Variants in RGS12 observed in about 807,000 individuals in gnomAD.
The protein encoded by RGS12 is regulator of G-protein signaling 12.
In RGS12, 66 loss-of-function variants were observed where a neutral mutation model predicts 120.1. That is an observed-to-expected ratio of 0.55 (90% CI 0.45 to 0.67). RGS12 has a LOEUF of 0.67. Among genes scored for constraint, RGS12 ranks in the 30% least tolerant of loss-of-function variants. RGS12 has a pLI of 0.00. For missense variants in RGS12, 1,859 were observed against 1,957.7 expected (o/e 0.95, Z 0.95); for synonymous variants, 827 against 804.7 (o/e 1.03, Z -0.47).
intron 9 of RGS12, chr4:3,420,366 T>G: frequency 1.3e-5 from 7 of 523,310 alleles, no homozygotes; most frequent in East Asian, 3.4e-5. Context: ...GAGCCAAGCA[T>G]GTTTTGGAGC....
intron 4 of RGS12, among the ~76,000 whole-genome samples, chr4:3,408,399 A>T (rs1050142392): frequency 5.5e-4 from 84 of 152,330 alleles, no homozygotes; most frequent in African/African-American, 2.0e-3. Flanking sequence ...TGAGCCACGT[A>T]GCAAAGAAAA....
chr4:3,397,601 G>C (rs1720167864), intron 4 of RGS12, among the ~76,000 whole-genome samples: 1 of 152,320 alleles, frequency 6.6e-6, no homozygotes, highest in South Asian at 2.1e-4. Flanking sequence ...GCAGAGATGG[G>C]GAAGACTAGG....
At chr4:3,299,648 G>A (rs1723568353) in intron 1 of RGS12, among the ~76,000 whole-genome samples, 1 of 152,206 alleles carries the variant, frequency 6.6e-6, no homozygotes, top group South Asian at 2.1e-4. Flanking sequence ...GAGCGTTCAA[G>A]TGATCAGGGA....
intron 17 of RGS12, among the ~76,000 whole-genome samples, chr4:3,432,839 A>C (rs1445383465): frequency 1.3e-5 from 2 of 152,190 alleles, no homozygotes; most frequent in African/African-American, 4.8e-5. Flanking sequence ...GAGTGGGAGA[A>C]GGAGGTGGGA....
chr4:3,344,014 G>A (rs1713537498), intron 3 of RGS12, among the ~76,000 whole-genome samples: 1 of 152,222 alleles, frequency 6.6e-6, no homozygotes, highest in African/African-American at 2.4e-5. Flanking sequence ...GAGTGGGAGA[G>A]AGTCTGCCCT....
At chr4:3,301,116 G>A (rs1001355605) in intron 1 of RGS12, among the ~76,000 whole-genome samples, 2 of 151,656 alleles carry the variant, frequency 1.3e-5, no homozygotes, top group African/African-American at 2.4e-5. Context: ...TCTGTAACAC[G>A]GGGTCTGTCC....
At chr4:3,294,642 G>A (rs1723263093) in intron 1 of RGS12, among the ~76,000 whole-genome samples, 1 of 152,134 alleles carries the variant, frequency 6.6e-6, no homozygotes, top group African/African-American at 2.4e-5. Flanking sequence ...AAGGGCAGTG[G>A]GGTGGCTGAG....
intron 3 of RGS12, among the ~76,000 whole-genome samples, chr4:3,375,218 C>G (rs1717513863): frequency 6.6e-6 from 1 of 152,096 alleles, no homozygotes; most frequent in South Asian, 2.1e-4. Flanking sequence ...GGAAACGTTT[C>G]CCTGGGCGTG....
intron 1 of RGS12, among the ~76,000 whole-genome samples, chr4:3,300,043 G>C (rs1723596556): frequency 6.6e-6 from 1 of 152,252 alleles, no homozygotes. Flanking sequence ...AAATAAGGTT[G>C]TTGTGAGGTT....
chr4:3,422,170 C>G (rs929544141), intron 10 of RGS12, among the ~76,000 whole-genome samples: 4 of 152,214 alleles, frequency 2.6e-5, no homozygotes, highest in Admixed American at 6.5e-5. Context: ...GATGACCGCT[C>G]TCTCGTGTTA....
At position 3,423,666 on chromosome 4, in the gene RGS12, G is replaced by C. The variant is rs374982545; in HGVS notation, c.3234+25G>C. 1.9e-6 allele frequency: 3 copies of C among 1,592,528 alleles called. No homozygotes were observed. The South Asian group carries it at 3.3e-5, about 18-fold the overall frequency. ...GGTGAGTGTTGCACGGGGCCCGGGC[G>C]TCGTCACCGCAGGCACTGTCTGTTC... On this transcript the variant is annotated intron_variant, in intron 13 of 17. Coordinates refer to ENST00000336727, the MANE Select transcript of RGS12 (RefSeq NM_001394154.1).
At chr4:3,343,130 CT>C (rs2108778381) in intron 3 of RGS12, 77 bp downstream of exon 3, 3 of 1,065,320 alleles carry the variant, frequency 2.8e-6, no homozygotes, top group East Asian at 4.9e-5. Flanking sequence ...ATACGTCTGG[CT>C]GTTTTTTGAG....
At position 3,317,816 on chromosome 4, in the gene RGS12, G is replaced by C; in HGVS notation, c.1646G>C (p.Gly549Ala). The C allele has an allele frequency of 6.2e-7, 1 of 1,613,170 alleles. No individual in the cohort carries two copies. Among genetic ancestry groups the C allele is most frequent in the Non-Finnish European group, 8.5e-7 (1 of 1,179,708 alleles). ...PVHVLREWQC[G>A]HTSDQDSYTD... is the part of the protein sequence containing the mutation. The stretch of plus-strand genomic sequence containing the variant: ...CACGTGCTCCGGGAGTGGCAGTGCG[G>C]ACACACCAGCGACCAGGACTCTTAC... The change falls in exon 2 of 18, where the codon GGA (glycine) becomes GCA (alanine). Residue 549 changes from glycine (G) to alanine (A), a missense_variant. By Grantham distance (60) the Gly-to-Ala change is moderately conservative (BLOSUM62 0). Transcript: ENST00000336727.
chr4:3,381,087 G>A (rs905646989), intron 3 of RGS12, among the ~76,000 whole-genome samples: 1 of 152,168 alleles, frequency 6.6e-6, no homozygotes, highest in Non-Finnish European at 1.5e-5. Context: ...TACGTTCAAA[G>A]TTCCGCAGAT....
intron 2 of RGS12, among the ~76,000 whole-genome samples, chr4:3,322,498 T>TTC (rs1392523839): frequency 6.6e-5 from 10 of 152,176 alleles, no homozygotes; most frequent in African/African-American, 2.4e-4. Context: ...CTCGAAATGC[T>TTC]TCTGTCATCA....
In RGS12 at chr4:3,327,323, C is replaced by G. The variant is rs140941743; in HGVS notation, c.1881+9272C>G. On this transcript the variant is annotated intron_variant, in intron 2 of 17. Coordinates refer to ENST00000336727, the MANE Select transcript of RGS12 (RefSeq NM_001394154.1). ...CTGGATTAAAGACTTAAACCTGAAA[C>G]TATAAAAATACTAGAAGAAAACCTA... is the stretch of plus-strand genomic sequence containing the variant. Among the ~76,000 whole-genome samples, 1,213 of 152,244 alleles carry G rather than the reference C, an allele frequency of 8.0e-3. 18 individuals carry two copies. Among genetic ancestry groups the G allele is most frequent in the African/African-American group, 0.028 (1,150 of 41,520 alleles).
chr4:3,318,313 A>AGAGG, intron 2 of RGS12, among the ~76,000 whole-genome samples: 1 of 152,252 alleles, frequency 6.6e-6, no homozygotes. Context: ...TCTGGGCAGG[A>AGAGG]CTGGTGGTGG....
chr4:3,391,041 C>T (rs1007147417), intron 4 of RGS12, among the ~76,000 whole-genome samples: 1 of 152,212 alleles, frequency 6.6e-6, no homozygotes, highest in Non-Finnish European at 1.5e-5. Context: ...AGCCTAATTG[C>T]ACATTTTCCA....
chr4:3,315,194 A>G (rs1455068967), intron 1 of RGS12, among the ~76,000 whole-genome samples: 5 of 152,206 alleles, frequency 3.3e-5, no homozygotes, highest in Admixed American at 1.3e-4. Context: ...ACATCGCCCC[A>G]TGGACCTCTG....
Sources: gnomAD v4.1 joint callset for allele counts (sites outside exome capture counted in the v4.1 genomes callset) on GRCh38, gnomAD v4.1.1 for gene constraint, MANE v1.5 for transcripts, NCBI Gene and HGNC (gene_info 2026-07-23, HGNC 2026-07-21) for gene names.